SH3BP5: variants seen among roughly 807,000 people sequenced by gnomAD.
SH3BP5 encodes SH3 domain-binding protein 5.
A neutral mutation model predicts 43.3 loss-of-function variants in SH3BP5; 22 were observed. That is an observed-to-expected ratio of 0.51 (90% CI 0.36 to 0.73). The LOEUF is 0.73. SH3BP5 is among the 30% of genes least tolerant of loss of function. The pLI, the probability that SH3BP5 is intolerant of heterozygous loss-of-function variation, is 0.00. For synonymous variants in SH3BP5, 255 were observed against 225.8 expected (o/e 1.13, Z -1.16); for missense variants, 529 against 586.9 (o/e 0.90, Z 1.02).
intron 5 of SH3BP5, among the ~76,000 whole-genome samples, chr3:15,260,892 A>G (rs1274541891): frequency 6.6e-6 from 1 of 152,212 alleles, no homozygotes; most frequent in African/African-American, 2.4e-5. Flanking sequence ...AAGGTTGGCA[A>G]AGTACAATCA....
At chr3:15,318,144 T>A (rs1209042254) in intron 2 of SH3BP5, among the ~76,000 whole-genome samples, 1 of 152,224 alleles carries the variant, frequency 6.6e-6, no homozygotes, top group Admixed American at 6.5e-5. Context: ...ATGAATAGGA[T>A]AAACTATAGT....
chr3:15,272,163 C>CA (rs1043713000), intron 3 of SH3BP5, among the ~76,000 whole-genome samples: 33 of 152,202 alleles, frequency 2.2e-4, no homozygotes, highest in African/African-American at 6.7e-4. Flanking sequence ...GAAGGGGGAA[C>CA]AAAAAAATCA....
At chr3:15,260,072 CT>C (rs1696377842) in intron 5 of SH3BP5, 2 of 508,404 alleles carry the variant, frequency 3.9e-6, no homozygotes, top group African/African-American at 3.9e-5. Flanking sequence ...ATCTTGGGGA[CT>C]CTGCAACTTA....
chr3:15,331,904 C>G (rs2124831644), intron 1 of SH3BP5: 1 of 203,620 alleles, frequency 4.9e-6, no homozygotes, highest in South Asian at 7.6e-5. Context: ...AGCCTGGACG[C>G]CGTGCCATGC....
At chr3:15,318,724 G>A (rs1698245741) in intron 2 of SH3BP5, among the ~76,000 whole-genome samples, 1 of 152,078 alleles carries the variant, frequency 6.6e-6, no homozygotes, top group African/African-American at 2.4e-5. Flanking sequence ...TGCAATACCT[G>A]GTTACTACTT....
intron 5 of SH3BP5, chr3:15,260,131 A>G (rs1696380594): frequency 2.7e-6 from 1 of 365,876 alleles, no homozygotes; most frequent in Non-Finnish European, 5.1e-6. Flanking sequence ...CTCACAGGTT[A>G]TACCCAGCAG....
At chr3:15,278,585 G>A (rs1697036370) in intron 3 of SH3BP5, among the ~76,000 whole-genome samples, 1 of 152,144 alleles carries the variant, frequency 6.6e-6, no homozygotes. Context: ...GAGGATGTCT[G>A]GCATATATTT....
At chr3:15,335,790 G>A (rs868392161), upstream of SH3BP5, among the ~76,000 whole-genome samples, 5 of 152,246 alleles carry the variant, frequency 3.3e-5, no homozygotes, top group Middle Eastern at 3.4e-3. Flanking sequence ...ATAGCAAAAG[G>A]CCTGGAAGGA....
At chr3:15,269,671 G>A (rs1467917635) in intron 4 of SH3BP5, 42 bp downstream of exon 4, 16 of 1,489,876 alleles carry the variant, frequency 1.1e-5, no homozygotes, top group South Asian at 1.3e-5. Flanking sequence ...CAGCGCGCAT[G>A]CACGCGCACA....
At chr3:15,277,674 C>T (rs543879978) in intron 3 of SH3BP5, among the ~76,000 whole-genome samples, 21 of 152,242 alleles carry the variant, frequency 1.4e-4, no homozygotes, top group Admixed American at 3.3e-4. Context: ...CAGAGAGGCA[C>T]GGGGCAGGCA....
chr3:15,259,712 TTGAG>T, intron 6 of SH3BP5, 45 bp downstream of exon 6: 1 of 1,570,286 alleles, frequency 6.4e-7, no homozygotes, highest in South Asian at 1.1e-5. Context: ...AAGTGAAGCT[TTGAG>T]TGCAGAAAAA....
upstream of SH3BP5, chr3:15,333,153 T>C (rs1031906040): frequency 8.1e-6 from 8 of 985,432 alleles, no homozygotes; most frequent in Non-Finnish European, 9.6e-6. Context: ...GTGTAACCCC[T>C]GTTGATGGGC....
chr3:15,259,870 A>G lies in SH3BP5; in HGVS notation c.627-67T>C, dbSNP rs1368248059. The G allele has an allele frequency of 1.2e-5, 18 of 1,447,146 alleles. No homozygotes were observed. Among genetic ancestry groups the G allele is most frequent in the Admixed American group, 3.4e-5 (2 of 59,644 alleles). 89.6% of individuals were successfully genotyped at this position (1,447,146 alleles called of 1,614,324 possible). On this transcript the variant is annotated intron_variant, in intron 5 of 8. Coordinates refer to ENST00000383791, the MANE Select transcript of SH3BP5 (RefSeq NM_004844.5). ...CAGTGACCACAGTCAACTCCACAAGATGAACAAGAGGCATCAGCTACCACT... is the reference window on the plus strand; with the variant it reads ...CAGTGACCACAGTCAACTCCACAAGGTGAACAAGAGGCATCAGCTACCACT...
intron 4 of SH3BP5, among the ~76,000 whole-genome samples, 157 bp downstream of exon 4, chr3:15,269,556 C>G (rs1355135982): frequency 6.6e-6 from 1 of 152,242 alleles, no homozygotes; most frequent in East Asian, 1.9e-4. Context: ...GGCTTCGTAC[C>G]AAGCGCAGCC....
At chr3:15,267,924 G>A (rs1003634414) in intron 4 of SH3BP5, among the ~76,000 whole-genome samples, 4 of 152,192 alleles carry the variant, frequency 2.6e-5, no homozygotes, top group African/African-American at 9.7e-5. Context: ...AGCTGGGGTG[G>A]AAGAAGGGCA....
chr3:15,319,126 T>G (rs1299747624), intron 2 of SH3BP5, among the ~76,000 whole-genome samples: 1 of 152,170 alleles, frequency 6.6e-6, no homozygotes, highest in Non-Finnish European at 1.5e-5. Flanking sequence ...GGCTCTAGGC[T>G]CCACTAATTT....
At chr3:15,262,671 C>G (rs934740837) in intron 4 of SH3BP5, among the ~76,000 whole-genome samples, 3 of 150,210 alleles carry the variant, frequency 2.0e-5, no homozygotes, top group Non-Finnish European at 3.0e-5. Context: ...TAAAAATACT[C>G]TTTGGGCCAG....
chr3:15,282,015 C>CA (rs1399535335), intron 3 of SH3BP5, among the ~76,000 whole-genome samples: 4 of 151,818 alleles, frequency 2.6e-5, no homozygotes, highest in African/African-American at 7.3e-5. Context: ...TCCCCTCCCC[C>CA]AAAAAAAGCA....
chr3:15,257,037 G>T lies in SH3BP5; in HGVS notation c.966C>A (p.Ser322=). 6.2e-7 allele frequency: 1 copy of T among 1,614,168 alleles called. No homozygotes were observed. Residue 322 remains serine (S), a synonymous_variant, in exon 8 of 9, where the codon TCC becomes TCA. Coordinates refer to ENST00000383791, the MANE Select transcript of SH3BP5 (RefSeq NM_004844.5). ...GGCTTGTTGGTCCTGAACTAAAGCT[G>T]GACACGGACTGGGTTTCCGAGTCAT... ...SEDDSETQSV[S]SFSSGPTSPS...
Sources: gnomAD v4.1 joint callset for allele counts (sites outside exome capture counted in the v4.1 genomes callset) on GRCh38, gnomAD v4.1.1 for gene constraint, MANE v1.5 for transcripts, NCBI Gene and HGNC (gene_info 2026-07-23, HGNC 2026-07-21) for gene names.